The following TMEM26 variants were observed in gnomAD, a reference collection of about 807,000 sequenced individuals.
TMEM26 encodes transmembrane protein 26.
TMEM26 carries 38 observed loss-of-function variants against 28.8 expected under a neutral mutation model. That is an observed-to-expected ratio of 1.32 (90% confidence interval 1.02 to 1.73). The LOEUF (loss-of-function observed/expected upper bound fraction) is 1.73, where lower values mean the gene tolerates loss of function less well. Among genes scored for constraint, TMEM26 ranks in the 40% most tolerant of loss-of-function variants. The pLI, the probability that TMEM26 is intolerant of heterozygous loss-of-function variation, is 0.00. For missense variants in TMEM26, 518 were observed against 447.1 expected (o/e 1.16, Z -1.43); for synonymous variants, 227 against 182.9 (o/e 1.24, Z -1.95).
At chr10:61,427,699 G>A (rs1313609206) in intron 4 of TMEM26, among the ~76,000 whole-genome samples, 2 of 151,974 alleles carry the variant, frequency 1.3e-5, no homozygotes, top group Admixed American at 1.3e-4. Context: ...ACTATCCTAT[G>A]TTCCCTCCCA....
chr10:61,409,657 T>C lies in TMEM26; in HGVS notation c.*665A>G, dbSNP rs1200531474. 2.6e-5 allele frequency: 4 copies of C among 152,264 alleles called. No homozygotes were observed. Among genetic ancestry groups the C allele is most frequent in the Admixed American group, 2.0e-4 (3 of 15,272 alleles). The allele number at this position is 152,264 out of a possible 1,614,324, so 9.4% of individuals were successfully genotyped here. The stretch of plus-strand genomic sequence containing the variant: ...CAGTAGATATGTAACCAAAATGGCT[T>C]GCTGTGAATTTTGTAGCACCCAAGA... On this transcript the variant is annotated 3_prime_UTR_variant, in exon 6 of 6. Coordinates refer to ENST00000399298, the MANE Select transcript of TMEM26 (RefSeq NM_178505.8).
chr10:61,412,799 C>T lies in TMEM26; in HGVS notation c.682+660G>A, dbSNP rs576494989. 2.2e-4 allele frequency: 66 copies of T among 295,466 alleles called. 1 individual carries two copies. Among genetic ancestry groups the T allele is most frequent in the South Asian group, 1.7e-3 (33 of 19,718 alleles). The allele number at this position is 295,466 out of a possible 1,614,324, so 18.3% of individuals were successfully genotyped here. Reference sequence around the variant, plus strand: ...TTTTAATTAATTTCAATTTAAAGAGCGATGTGTGGTTGGTGGGTCCCCTGT... The same window carrying T: ...TTTTAATTAATTTCAATTTAAAGAGTGATGTGTGGTTGGTGGGTCCCCTGT... On this transcript the variant is annotated intron_variant, in intron 5 of 5. Coordinates refer to ENST00000399298, the MANE Select transcript of TMEM26 (RefSeq NM_178505.8).
At chr10:61,417,464 A>C (rs941833637) in intron 4 of TMEM26, among the ~76,000 whole-genome samples, 1 of 138,024 alleles carries the variant, frequency 7.2e-6, no homozygotes, top group Non-Finnish European at 1.6e-5. Context: ...GAATTCATCT[A>C]GTTTTTTTTT....
At chr10:61,413,345 C>A in intron 5 of TMEM26, 114 bp downstream of exon 5, 1 of 1,469,508 alleles carries the variant, frequency 6.8e-7, no homozygotes, top group South Asian at 1.4e-5. Flanking sequence ...TGAACTAGAA[C>A]TAATATTGGG....
rs1839544787 is a variant in TMEM26, at chr10:61,410,173, A to G, written c.*149T>C. 2.3e-6 allele frequency: 2 copies of G among 865,830 alleles called. No individual in the cohort carries two copies. The highest frequency in any genetic ancestry group is 3.7e-5 in the South Asian group (2 of 53,938). The allele number at this position is 865,830 out of a possible 1,614,324, so 53.6% of individuals were successfully genotyped here. A position where few individuals can be genotyped will look rare whatever the true frequency, so the allele number is the denominator to read the frequency against. ...AAGTTCCTTCTATTCAGTTGAAAAA[A>G]GAAAATTCCTCAGCTTTGGTTTAAG... On this transcript the variant is annotated 3_prime_UTR_variant, in exon 6 of 6. Transcript: ENST00000399298.
At chr10:61,412,999 C>A (rs1308608103) in intron 5 of TMEM26, 4 of 1,261,506 alleles carry the variant, frequency 3.2e-6, no homozygotes, top group African/African-American at 3.1e-5. Context: ...ATACATGGGT[C>A]TGAAAAAAGA....
chr10:61,423,806 G>A (rs1201130098), intron 4 of TMEM26, among the ~76,000 whole-genome samples: 1 of 152,102 alleles, frequency 6.6e-6, no homozygotes, highest in Non-Finnish European at 1.5e-5. Flanking sequence ...TTTAATATCT[G>A]AAAATTAATT....
chr10:61,435,415 G>A (rs1004910606), intron 2 of TMEM26, among the ~76,000 whole-genome samples: 5 of 152,166 alleles, frequency 3.3e-5, no homozygotes, highest in African/African-American at 9.7e-5. Context: ...TCTTGACCTC[G>A]TGATCCACCC....
chr10:61,426,742 T>A (rs973046053), intron 4 of TMEM26, among the ~76,000 whole-genome samples: 8 of 152,096 alleles, frequency 5.3e-5, no homozygotes, highest in South Asian at 2.1e-4. Context: ...GATATAAATA[T>A]CTTTTACTTA....
intron 4 of TMEM26, among the ~76,000 whole-genome samples, chr10:61,419,228 C>T (rs960866677): frequency 6.6e-6 from 1 of 151,914 alleles, no homozygotes; most frequent in Non-Finnish European, 1.5e-5. Context: ...ATCCAAAATG[C>T]CCAGTTCTCA....
chr10:61,446,907 G>T (rs1840193292), intron 1 of TMEM26, among the ~76,000 whole-genome samples: 1 of 129,160 alleles, frequency 7.7e-6, no homozygotes, highest in Non-Finnish European at 1.6e-5. Context: ...GAAACACAGA[G>T]TGAACATACA....
rs774710544 is a variant in TMEM26, at chr10:61,410,467, C to A, written c.962G>T (p.Gly321Val). 1.2e-6 allele frequency: 2 copies of A among 1,614,002 alleles called. No homozygotes were observed. The highest frequency in any genetic ancestry group is 8.5e-7 in the Non-Finnish European group (1 of 1,180,036). Reference protein sequence around the residue: ...VRASLRSQSEGLKGEHGCRAQ... With the variant: ...VRASLRSQSEVLKGEHGCRAQ... ...CCGGCAACCATGTTCTCCTTTCAGGCCTTCTGACTGACTTCTCAACGAAGC... is the reference window on the plus strand; with the variant it reads ...CCGGCAACCATGTTCTCCTTTCAGGACTTCTGACTGACTTCTCAACGAAGC... Residue 321 changes from glycine to valine, a missense_variant, in exon 6 of 6, where the codon GGC becomes GTC. Physicochemically the swap from Gly to Val is moderately radical, Grantham distance 109 (BLOSUM62 -3). Coordinates refer to ENST00000399298, the MANE Select transcript of TMEM26 (RefSeq NM_178505.8).
At chr10:61,425,229 C>T (rs1589031916) in intron 4 of TMEM26, among the ~76,000 whole-genome samples, 1 of 152,128 alleles carries the variant, frequency 6.6e-6, no homozygotes. Context: ...AAGAGCAGTG[C>T]AGGAAAGACC....
rs1280830392 is a variant in TMEM26 at position 61,434,363 on chromosome 10, T to G, written c.270+1807A>C. 2.0e-5 allele frequency among the ~76,000 whole-genome samples: 3 copies of G among 152,226 alleles called. No individual in the cohort carries two copies. The East Asian group carries it at 5.8e-4, about 29-fold the overall frequency. ...ACTTTTGGTTGCACGTTATTTGTTG[T>G]AACGGGATTTGAGCTGTATATCAAT... On this transcript the variant is annotated intron_variant, in intron 2 of 5. Transcript: ENST00000399298.
At chr10:61,412,174 C>T (rs1839578888) in intron 5 of TMEM26, among the ~76,000 whole-genome samples, 1 of 152,040 alleles carries the variant, frequency 6.6e-6, no homozygotes, top group African/African-American at 2.4e-5. Flanking sequence ...TGTGATGGCA[C>T]CTAATATTCT....
intron 4 of TMEM26, among the ~76,000 whole-genome samples, chr10:61,427,469 G>GT (rs1314441208): frequency 6.6e-6 from 1 of 152,012 alleles, no homozygotes; most frequent in Non-Finnish European, 1.5e-5. Flanking sequence ...CAAGATTTGG[G>GT]TTTTTTCGTT....
chr10:61,433,348 T>C (rs1839953200), intron 2 of TMEM26, among the ~76,000 whole-genome samples: 1 of 152,148 alleles, frequency 6.6e-6, no homozygotes, highest in African/African-American at 2.4e-5. Context: ...ATTTTGGGGA[T>C]TATATTGTTT....
At chr10:61,449,084 C>G (rs190646281) in intron 1 of TMEM26, among the ~76,000 whole-genome samples, 312 of 152,132 alleles carry the variant, frequency 2.1e-3, no homozygotes, top group Admixed American at 3.6e-3. Context: ...AAATCTTAAG[C>G]CAAGTGATAT....
chr10:61,415,498 A>G (rs1839637069), intron 4 of TMEM26, among the ~76,000 whole-genome samples: 2 of 151,984 alleles, frequency 1.3e-5, no homozygotes, highest in Admixed American at 1.3e-4. Context: ...TAAATGCTTA[A>G]CTCTATGATC....
Sources: gnomAD v4.1 joint callset for allele counts (sites outside exome capture counted in the v4.1 genomes callset) on GRCh38, gnomAD v4.1.1 for gene constraint, MANE v1.5 for transcripts, NCBI Gene and HGNC (gene_info 2026-07-23, HGNC 2026-07-21) for gene names.